APLP2: variants seen among roughly 807,000 people sequenced by gnomAD.
APLP2 encodes CDEI box-binding protein.
In APLP2, 53 loss-of-function variants were observed where a neutral mutation model predicts 89.9. The ratio of observed to expected loss-of-function variants is 0.59; its 90% CI spans 0.47 to 0.74. The LOEUF is 0.74. Among genes scored for constraint, APLP2 ranks in the 30% least tolerant of loss-of-function variants. The probability of loss-of-function intolerance (pLI) is 0.00; values close to 1 mark genes in which losing one functional copy is unlikely to be tolerated. For missense variants in APLP2, 973 were observed against 975.9 expected, an observed-to-expected ratio of 1.00 and a Z score of 0.04; for synonymous variants, 372 against 348.6, an observed-to-expected ratio of 1.07 and a Z score of -0.75.
At chr11:130,127,726 T>C in intron 8 of APLP2, 40 bp from the exon 9 acceptor site, 1 of 1,549,922 alleles carries the variant, frequency 6.5e-7, no homozygotes, top group Non-Finnish European at 8.9e-7. Flanking sequence ...TGTTTCGGGG[T>C]ATTAATCACT....
intron 3 of APLP2, among the ~76,000 whole-genome samples, chr11:130,116,618 T>A (rs963897932): frequency 6.6e-6 from 1 of 152,022 alleles, no homozygotes; most frequent in East Asian, 2.0e-4. Flanking sequence ...TTACAGGCAT[T>A]CGCCACCACG....
chr11:130,072,359 G>A (rs541237535), intron 1 of APLP2, among the ~76,000 whole-genome samples: 1 of 152,096 alleles, frequency 6.6e-6, no homozygotes, highest in Non-Finnish European at 1.5e-5. Flanking sequence ...ATTAAAGGAT[G>A]TCAACTGAGG....
chr11:130,127,809 TC>T lies in APLP2; in HGVS notation c.1269del (p.Ala425GlnfsTer6). ...GAGGCAGAGCTTCAAGCTAAGAACC[TC>T]CCCAAAGCAGAGAGGCAGACTCTGA... ...WEEAELQAKN[L>X]PKAERQTLIQ... On this transcript the variant is annotated frameshift_variant, in exon 9 of 17. Coordinates refer to ENST00000338167, the MANE Select transcript of APLP2 (RefSeq NM_001142276.2). LOFTEE classifies it high-confidence loss of function. The T allele has an allele frequency of 6.2e-7, 1 of 1,614,084 alleles. No individual in the cohort carries two copies. Among genetic ancestry groups the T allele is most frequent in the South Asian group, 1.1e-5 (1 of 91,064 alleles).
chr11:130,106,084 A>T (rs948642673), intron 1 of APLP2, among the ~76,000 whole-genome samples: 4 of 152,178 alleles, frequency 2.6e-5, no homozygotes, highest in African/African-American at 9.7e-5. Flanking sequence ...CTGAGCTGTT[A>T]ATGGTTAGAC....
Position 130,069,981 on chromosome 11 carries a change from G to C in APLP2, c.4G>C (p.Ala2Pro), listed in dbSNP as rs1402449640. 1.7e-5 allele frequency: 26 copies of C among 1,504,738 alleles called. No individual in the cohort carries two copies. Among genetic ancestry groups the C allele is most frequent in the Non-Finnish European group, 2.1e-5 (24 of 1,131,372 alleles). The allele number at this position is 1,504,738 out of a possible 1,614,324, so 93.2% of individuals were successfully genotyped here. The change falls in exon 1 of 17, where the codon GCG (alanine) becomes CCG (proline). Residue 2 changes from alanine to proline, a missense_variant. Ala to Pro is a conservative substitution (Grantham distance 27). Coordinates refer to ENST00000338167, the MANE Select transcript of APLP2 (RefSeq NM_001142276.2). Reference protein sequence around the residue: MAATGTAAAAAT... With the variant: MPATGTAAAAAT... ...CGCTAGAGCGACCCGGCGAGGGATG[G>C]CGGCCACCGGGACCGCGGCCGCCGC... is the stretch of plus-strand genomic sequence containing the variant.
At chr11:130,093,763 A>G (rs993132385) in intron 1 of APLP2, among the ~76,000 whole-genome samples, 7 of 151,316 alleles carry the variant, frequency 4.6e-5, no homozygotes, top group Non-Finnish European at 1.0e-4. Flanking sequence ...TTTTTTTTTG[A>G]GACAGGGTCT....
chr11:130,112,015 G>C (rs999874025), intron 3 of APLP2, among the ~76,000 whole-genome samples: 1 of 152,048 alleles, frequency 6.6e-6, no homozygotes, highest in Non-Finnish European at 1.5e-5. Context: ...GTGGGACCTG[G>C]GAGACTCTTC....
rs944682213 is a variant in APLP2, at chr11:130,070,235, G to A, written c.105+153G>A. Among the ~76,000 whole-genome samples the A allele has an allele frequency of 2.0e-3, 300 of 149,950 alleles. 1 individual carries two copies. The highest frequency in any genetic ancestry group is 6.1e-3 in the African/African-American group (249 of 41,122). ...GGGTCTGGCGCGCCCTCCCCCGCCCGTCCCTGCTTGGCGCAGTGCTTAGCG... is the reference window on the plus strand; with the variant it reads ...GGGTCTGGCGCGCCCTCCCCCGCCCATCCCTGCTTGGCGCAGTGCTTAGCG... On this transcript the variant is annotated intron_variant, in intron 1 of 16. Transcript: ENST00000338167.
Position 130,123,894 on chromosome 11 carries a change from T to C in APLP2, c.1090+115T>C. On this transcript the variant is annotated intron_variant, in intron 7 of 16. Transcript: ENST00000338167. The surrounding 1 kb of genome is among the most constrained non-coding windows in gnomAD (Gnocchi z 4.0). ...TGTCCCTGCCCACTCGGGTGTTTGCTGTCGGTCGTCTTCCCCTCATCTTTG... is the reference window on the plus strand; with the variant it reads ...TGTCCCTGCCCACTCGGGTGTTTGCCGTCGGTCGTCTTCCCCTCATCTTTG... 1 of 1,192,734 alleles carries C rather than the reference T, an allele frequency of 8.4e-7. No individual in the cohort carries two copies. Among genetic ancestry groups the C allele is most frequent in the Middle Eastern group, 2.4e-4 (1 of 4,116 alleles). The allele number at this position is 1,192,734 out of a possible 1,614,324, so 73.9% of individuals were successfully genotyped here.
At chr11:130,124,022 G>A (rs1385400030) in intron 7 of APLP2, among the ~76,000 whole-genome samples, 2 of 152,130 alleles carry the variant, frequency 1.3e-5, no homozygotes, top group African/African-American at 2.4e-5. Context: ...GTGATGGTGC[G>A]TACCCACCTT....
intron 1 of APLP2, among the ~76,000 whole-genome samples, chr11:130,093,156 G>A (rs1474899186): frequency 6.6e-6 from 1 of 152,190 alleles, no homozygotes; most frequent in African/African-American, 2.4e-5. Flanking sequence ...CTGACTGAAG[G>A]ATTCCTCCCT....
rs960865049 is a variant in APLP2 at position 130,120,617 on chromosome 11, G to A, written c.404-89G>A. 6.7e-6 allele frequency: 6 copies of A among 900,160 alleles called. No individual in the cohort carries two copies. In the Middle Eastern group the frequency reaches 1.6e-3, roughly 247 times the overall value. The allele number at this position is 900,160 out of a possible 1,614,324, so 55.8% of individuals were successfully genotyped here. A position where few individuals can be genotyped will look rare whatever the true frequency, so the allele number is the denominator to read the frequency against. On this transcript the variant is annotated intron_variant, in intron 3 of 16. Coordinates refer to ENST00000338167, the MANE Select transcript of APLP2 (RefSeq NM_001142276.2). ...CGTATACATGAGACTGCTCCTGGCTGTGTAGACTATCATCATAAACTTCAG... is the reference window on the plus strand; with the variant it reads ...CGTATACATGAGACTGCTCCTGGCTATGTAGACTATCATCATAAACTTCAG...
At chr11:130,120,881 T>C (rs1949734404) in intron 4 of APLP2, 63 bp downstream of exon 4, 5 of 1,115,562 alleles carry the variant, frequency 4.5e-6, no homozygotes, top group Admixed American at 1.7e-5. Context: ...GTAGCACTTT[T>C]CTCCAAATCT....
At chr11:130,137,057 A>T (rs1175817593) in intron 13 of APLP2, among the ~76,000 whole-genome samples, 1 of 152,170 alleles carries the variant, frequency 6.6e-6, no homozygotes, top group Non-Finnish European at 1.5e-5. Flanking sequence ...CTTATCAAGG[A>T]TACCCTCCAG....
intron 11 of APLP2, 106 bp from the exon 12 acceptor site, chr11:130,133,523 T>C: frequency 3.9e-6 from 3 of 770,532 alleles, no homozygotes; most frequent in East Asian, 4.9e-5. Flanking sequence ...GAATATGCTT[T>C]GTAAAGTGGT....
intron 1 of APLP2, among the ~76,000 whole-genome samples, chr11:130,085,619 G>A (rs7941991): frequency 0.25 from 38,077 of 152,112 alleles, 7,064 homozygotes; most frequent in African/African-American, 0.52. Context: ...CATTTTAACT[G>A]TTTTTAAGTG....
At chr11:130,138,593 T>TTG (rs1951926280) in intron 13 of APLP2, among the ~76,000 whole-genome samples, 1 of 142,084 alleles carries the variant, frequency 7.0e-6, no homozygotes, top group East Asian at 2.0e-4. Context: ...TTTTTTTTTT[T>TTG]TTTTTTTTTT....
At chr11:130,101,140 G>A (rs1310752299) in intron 1 of APLP2, among the ~76,000 whole-genome samples, 1 of 152,162 alleles carries the variant, frequency 6.6e-6, no homozygotes, top group African/African-American at 2.4e-5. Context: ...TGTACAATGG[G>A]GCTTTACTGT....
At chr11:130,070,121 C>T (rs952737166) in intron 1 of APLP2, 39 bp downstream of exon 1, 26 of 1,284,558 alleles carry the variant, frequency 2.0e-5, no homozygotes, top group Non-Finnish European at 2.4e-5. Context: ...GTCTCCTTCG[C>T]CCGCCGGAGG....
Sources: allele counts gnomAD v4.1 joint callset (sites outside exome capture counted in the v4.1 genomes callset), GRCh38; gene constraint gnomAD v4.1.1; non-coding constraint Gnocchi (gnomAD v3.1); transcripts MANE v1.5; gene names NCBI Gene and HGNC (gene_info 2026-07-23, HGNC 2026-07-21).